Variants in SEL1L3 observed in about 807,000 individuals in gnomAD.
The protein encoded by SEL1L3 is protein sel-1 homolog 3.
Under a neutral mutation model 142.8 loss-of-function variants are expected in SEL1L3, and 76 were observed. The observed-to-expected ratio is 0.53, with a 90% CI of 0.44 to 0.64. The LOEUF (loss-of-function observed/expected upper bound fraction) is 0.64, where lower values mean the gene tolerates loss of function less well. Ranked by LOEUF, SEL1L3 falls within the 30% of genes least tolerant of loss-of-function variation. SEL1L3 has a pLI of 0.00. For missense variants in SEL1L3, 1,262 were observed against 1,381.7 expected (o/e 0.91, Z 1.37); for synonymous variants, 504 against 519.6 (o/e 0.97, Z 0.41).
the SEL1L3 span, among the ~76,000 whole-genome samples, chr4:25,724,750 A>G: frequency 1.8e-5 from 2 of 113,656 alleles, no homozygotes; most frequent in Admixed American, 9.6e-5. Flanking sequence ...AAAAAAAAAA[A>G]AAAAAAAAAA....
At chr4:25,796,878 A>G (rs1396114846) in intron 11 of SEL1L3, among the ~76,000 whole-genome samples, 3 of 152,026 alleles carry the variant, frequency 2.0e-5, no homozygotes, top group Non-Finnish European at 2.9e-5. Context: ...GAAAAAAAAA[A>G]AAGAAGAAAG....
intron 14 of SEL1L3, among the ~76,000 whole-genome samples, chr4:25,783,721 A>C (rs919634720): frequency 6.6e-6 from 1 of 152,244 alleles, no homozygotes; most frequent in South Asian, 2.1e-4. Flanking sequence ...AGCTGACTTG[A>C]AGATACCACT....
intron 23 of SEL1L3, among the ~76,000 whole-genome samples, chr4:25,753,984 C>CATAAATAA (rs35245204): frequency 0.033 from 4,705 of 143,490 alleles, 253 homozygotes; most frequent in African/African-American, 0.11. Flanking sequence ...TCCGTCTCAA[C>CATAAATAA]ATAAATAAAT....
chr4:25,731,259 T>C, the SEL1L3 span, among the ~76,000 whole-genome samples: 2 of 152,244 alleles, frequency 1.3e-5, no homozygotes, highest in Admixed American at 6.5e-5. Context: ...ATGTTTGTTT[T>C]ACTGGCCATG....
chr4:25,795,245 G>T (rs1293777080), intron 11 of SEL1L3, among the ~76,000 whole-genome samples: 1 of 152,152 alleles, frequency 6.6e-6, no homozygotes, highest in Non-Finnish European at 1.5e-5. Context: ...GTTTGTGAAA[G>T]AGCTTAGCAA....
chr4:25,843,636 A>G (rs1177759394), intron 2 of SEL1L3, among the ~76,000 whole-genome samples: 1 of 152,224 alleles, frequency 6.6e-6, no homozygotes, highest in Non-Finnish European at 1.5e-5. Flanking sequence ...GTAGATCCAC[A>G]GTCTGCCTAT....
intron 2 of SEL1L3, among the ~76,000 whole-genome samples, chr4:25,836,181 A>G (rs1715804000): frequency 6.6e-6 from 1 of 152,222 alleles, no homozygotes; most frequent in African/African-American, 2.4e-5. Flanking sequence ...ATTCTTCTCT[A>G]TAGCTCTAAA....
chr4:25,795,263 G>T (rs1384414668), intron 11 of SEL1L3, among the ~76,000 whole-genome samples: 1 of 152,150 alleles, frequency 6.6e-6, no homozygotes, highest in African/African-American at 2.4e-5. Context: ...CAAAGTGCCT[G>T]GGTCATGGCA....
intron 1 of SEL1L3, among the ~76,000 whole-genome samples, chr4:25,862,367 A>C (rs1717776840): frequency 6.6e-6 from 1 of 151,142 alleles, no homozygotes. Context: ...CCGGGCGGCG[A>C]GGCTCCCGGG....
intron 2 of SEL1L3, among the ~76,000 whole-genome samples, chr4:25,841,678 G>A (rs1291980789): frequency 6.6e-6 from 1 of 152,202 alleles, no homozygotes; most frequent in Non-Finnish European, 1.5e-5. Context: ...CAGCGGGCCA[G>A]GCGCTGTAGT....
intron 6 of SEL1L3, 43 bp downstream of exon 6, chr4:25,830,055 C>T (rs764377935): frequency 8.4e-6 from 11 of 1,307,958 alleles, no homozygotes; most frequent in Admixed American, 1.7e-5. Flanking sequence ...TTCCTTAACT[C>T]GCATGCAGGC....
chr4:25,757,988 C>G lies in SEL1L3; in HGVS notation c.3084-198G>C, dbSNP rs1718109542. The G allele has an allele frequency of 2.6e-5, 15 of 584,494 alleles. No individual in the cohort carries two copies. The Admixed American group carries it at 4.6e-4, about 18-fold the overall frequency. 36.2% of individuals were successfully genotyped at this position (584,494 alleles called of 1,614,324 possible). On this transcript the variant is annotated intron_variant, in intron 21 of 23. Transcript: ENST00000399878. The stretch of plus-strand genomic sequence containing the variant: ...TGGCCTGATCTGAAATTCTAGAATC[C>G]CAGTAGAAATTTTAGAAAAAGGTCA...
chr4:25,730,248 G>A, the SEL1L3 span, among the ~76,000 whole-genome samples: 16 of 151,972 alleles, frequency 1.1e-4, no homozygotes, highest in African/African-American at 3.9e-4. Context: ...AATATTTCTC[G>A]TATTATGTTG....
At chr4:25,851,550 C>G (rs28682992) in intron 1 of SEL1L3, among the ~76,000 whole-genome samples, 3 of 151,920 alleles carry the variant, frequency 2.0e-5, no homozygotes, top group Non-Finnish European at 4.4e-5. Flanking sequence ...GAATTGTGTA[C>G]TACACAATTT....
chr4:25,847,852 A>T lies in SEL1L3; in HGVS notation c.175T>A (p.Ser59Thr), dbSNP rs767348381. Residue 59 changes from serine to threonine, a missense_variant, in exon 2 of 24, where the codon TCT becomes ACT. Around this residue, in one of 3 missense-constraint regions of SEL1L3, gnomAD observed 689 missense variants for 692.8 expected, o/e 0.99. Coordinates refer to ENST00000399878, the MANE Select transcript of SEL1L3 (RefSeq NM_015187.5). Reference protein sequence around the residue: ...LLLCYLNVVPSLGRQTSLTTS... With the variant: ...LLLCYLNVVPTLGRQTSLTTS... ...GTCAGGGAAGTCTGCCTACCCAAAG[A>T]TGGTACAACATTCTGAAAAAAAGAA... 5.2e-6 allele frequency: 8 copies of T among 1,545,562 alleles called. No homozygotes were observed. The Admixed American group carries it at 8.9e-5, about 17-fold the overall frequency.
intron 11 of SEL1L3, among the ~76,000 whole-genome samples, chr4:25,796,937 T>A (rs1269968269): frequency 1.5e-5 from 2 of 134,106 alleles, no homozygotes; most frequent in East Asian, 2.2e-4. Flanking sequence ...GGAAGAGAGG[T>A]AATGAAAGAA....
At chr4:25,786,191 T>C (rs1198527525) in intron 13 of SEL1L3, among the ~76,000 whole-genome samples, 4 of 152,156 alleles carry the variant, frequency 2.6e-5, no homozygotes, top group Non-Finnish European at 5.9e-5. Flanking sequence ...AGCTGCCATC[T>C]TGGTACCATC....
chr4:25,850,347 C>T (rs567901129), intron 1 of SEL1L3, among the ~76,000 whole-genome samples: 4 of 152,236 alleles, frequency 2.6e-5, no homozygotes, highest in Admixed American at 2.0e-4. Flanking sequence ...CAAGTAAATG[C>T]TCATTCATAG....
chr4:25,769,666 G>A (rs1244672539), intron 17 of SEL1L3, among the ~76,000 whole-genome samples: 1 of 152,172 alleles, frequency 6.6e-6, no homozygotes, highest in Non-Finnish European at 1.5e-5. Flanking sequence ...GAATTCTCAA[G>A]TTTCTTTAGA....
Sources: gnomAD v4.1 joint callset for allele counts (sites outside exome capture counted in the v4.1 genomes callset) on GRCh38, gnomAD v4.1.1 for gene constraint, gnomAD v4.1.1 regional missense constraint, MANE v1.5 for transcripts, NCBI Gene and HGNC (gene_info 2026-07-23, HGNC 2026-07-21) for gene names.